RAD51AP1: variants seen among roughly 807,000 people sequenced by gnomAD.
The protein encoded by RAD51AP1 is RAD51 associated protein 1, also known as RAD51-associated protein 1.
RAD51AP1 carries 14 observed loss-of-function variants against 34.3 expected under a neutral mutation model. The ratio of observed to expected loss-of-function variants is 0.41; its 90% CI spans 0.27 to 0.64. The LOEUF (loss-of-function observed/expected upper bound fraction) is 0.64. RAD51AP1 is among the 30% of genes least tolerant of loss of function. The pLI is 0.33. For missense variants in RAD51AP1, 348 were observed against 386.9 expected (o/e 0.90, Z 0.84); for synonymous variants, 114 against 129.8 (o/e 0.88, Z 0.83).
chr12:4,556,415 G>T lies in RAD51AP1; in HGVS notation c.784G>T (p.Val262Phe), dbSNP rs375762547. 13 of 1,613,670 alleles carry T rather than the reference G, an allele frequency of 8.1e-6. No homozygotes were observed. The African/African-American group carries it at 1.6e-4, about 20-fold the overall frequency. Reference protein sequence around the residue: ...KSESQSLPKKVSLSSDTTRKP... With the variant: ...KSESQSLPKKFSLSSDTTRKP... ...AGAATCTCAGTCCTTGCCAAAAAAG[G>T]TTTCTCTGTCTTCAGATACCACTAG... Residue 262 changes from valine (V) to phenylalanine (F), a missense_variant, in exon 8 of 9, where the codon GTT (valine) becomes TTT (phenylalanine). Physicochemically the swap from Val to Phe is conservative, Grantham distance 50. Transcript: ENST00000352618.
chr12:4,555,386 C>T (rs1235869403), intron 7 of RAD51AP1, among the ~76,000 whole-genome samples: 1 of 152,118 alleles, frequency 6.6e-6, no homozygotes, highest in Non-Finnish European at 1.5e-5. Context: ...TAGCAGGCCC[C>T]CATTTCCTCT....
At chr12:4,539,387 G>C (rs1409961250) in intron 1 of RAD51AP1, among the ~76,000 whole-genome samples, 1 of 152,174 alleles carries the variant, frequency 6.6e-6, no homozygotes, top group African/African-American at 2.4e-5. Context: ...TCAAACCTAA[G>C]TCATCTCACT....
chr12:4,543,329 G>C (rs1379834974), intron 2 of RAD51AP1, among the ~76,000 whole-genome samples: 1 of 152,180 alleles, frequency 6.6e-6, no homozygotes, highest in African/African-American at 2.4e-5. Flanking sequence ...CCAAAGTGCT[G>C]GGATTACAAG....
Position 4,559,683 on chromosome 12 carries a change from A to AAAAT in RAD51AP1, c.*691_*694dup, listed in dbSNP as rs1224179726. Reference sequence around the variant, plus strand: ...TTCCTGATTGTCCACATTTCATGATAAAATGAGAGCTCCGCAGAGAATGTT... The same window carrying AAAAT: ...TTCCTGATTGTCCACATTTCATGATAAAATAAATGAGAGCTCCGCAGAGAATGTT... On this transcript the variant is annotated 3_prime_UTR_variant, in exon 9 of 9. Coordinates refer to ENST00000352618, the MANE Select transcript of RAD51AP1 (RefSeq NM_006479.5). The AAAAT allele has an allele frequency of 1.3e-5, 2 of 152,234 alleles. No individual in the cohort carries two copies. The highest frequency in any genetic ancestry group is 4.8e-5 in the African/African-American group (2 of 41,468). 9.4% of individuals were successfully genotyped at this position (152,234 alleles called of 1,614,324 possible).
chr12:4,552,499 G>A (rs950997517), intron 6 of RAD51AP1, among the ~76,000 whole-genome samples: 15 of 152,176 alleles, frequency 9.9e-5, no homozygotes, highest in Non-Finnish European at 1.8e-4. Flanking sequence ...TGAAGTTTAT[G>A]TGATTAAGGG....
At chr12:4,556,556 T>C (rs1944584699) in intron 8 of RAD51AP1, 54 bp downstream of exon 8, 2 of 1,577,960 alleles carry the variant, frequency 1.3e-6, no homozygotes, top group African/African-American at 2.7e-5. Context: ...CACTGGTAAA[T>C]TTTTTTCCTA....
chr12:4,553,772 A>G (rs1296103061), intron 7 of RAD51AP1, among the ~76,000 whole-genome samples: 1 of 152,136 alleles, frequency 6.6e-6, no homozygotes, highest in Non-Finnish European at 1.5e-5. Context: ...TTTTGAGTTC[A>G]TAGTATATGA....
chr12:4,539,104 C>T (rs1035037512), intron 1 of RAD51AP1, 148 bp downstream of exon 1: 2 of 821,828 alleles, frequency 2.4e-6, no homozygotes, highest in African/African-American at 3.4e-5. Flanking sequence ...CAGTGAGAGC[C>T]ACCCGTTGCT....
chr12:4,555,856 C>A (rs1460739098), intron 7 of RAD51AP1, among the ~76,000 whole-genome samples: 1 of 152,200 alleles, frequency 6.6e-6, no homozygotes, highest in East Asian at 1.9e-4. Context: ...TTTTACACAT[C>A]TTTACTTTCC....
chr12:4,539,088 A>G (rs201235939), intron 1 of RAD51AP1, 132 bp downstream of exon 1: 10 of 978,396 alleles, frequency 1.0e-5, no homozygotes, highest in African/African-American at 8.1e-5. Context: ...TCAAGAACCC[A>G]GTCTCCAGTG....
rs1944524891 is a variant in RAD51AP1, at chr12:4,548,743, G to A, written c.463G>A (p.Ala155Thr). The change falls in exon 6 of 9, where the codon GCA (alanine) becomes ACA (threonine). Residue 155 changes from alanine to threonine, a missense_variant. By Grantham distance (58) the Ala-to-Thr change is moderately conservative. Coordinates refer to ENST00000352618, the MANE Select transcript of RAD51AP1 (RefSeq NM_006479.5). ...DVGGVQGKRK[A>T]ASKAAAQQRK... ...TGGTGGTGTTCAAGGGAAAAGAAAA[G>A]CAGCATCTAAAGCTGCAGCACAGCA... is the stretch of plus-strand genomic sequence containing the variant. The A allele has an allele frequency of 6.2e-7, 1 of 1,614,054 alleles. No individual in the cohort carries two copies. Among genetic ancestry groups the A allele is most frequent in the Admixed American group, 1.7e-5 (1 of 60,012 alleles).
In RAD51AP1 at chr12:4,559,597, C is replaced by A. The variant is rs1256508322; in HGVS notation, c.*604C>A. Reference sequence around the variant, plus strand: ...TTTTATGAAATCTTCATTGTCAAAACCTTTAATAAAAGTGGAAATATTTTG... The same window carrying A: ...TTTTATGAAATCTTCATTGTCAAAAACTTTAATAAAAGTGGAAATATTTTG... On this transcript the variant is annotated 3_prime_UTR_variant, in exon 9 of 9. Coordinates refer to ENST00000352618, the MANE Select transcript of RAD51AP1 (RefSeq NM_006479.5). 6.6e-6 allele frequency: 1 copy of A among 152,136 alleles called. No individual in the cohort carries two copies. The highest frequency in any genetic ancestry group is 1.9e-4 in the East Asian group (1 of 5,202). 9.4% of individuals were successfully genotyped at this position (152,136 alleles called of 1,614,324 possible). A position where few individuals can be genotyped will look rare whatever the true frequency, so the allele number is the denominator to read the frequency against.
At chr12:4,548,322 T>G in intron 5 of RAD51AP1, 144 bp downstream of exon 5, 1 of 1,217,954 alleles carries the variant, frequency 8.2e-7, no homozygotes, top group Non-Finnish European at 1.1e-6. Flanking sequence ...TCTTTGTGTT[T>G]TAGTCTCATT....
chr12:4,543,394 A>G (rs1013765915), intron 2 of RAD51AP1, among the ~76,000 whole-genome samples: 3 of 152,184 alleles, frequency 2.0e-5, no homozygotes, highest in African/African-American at 7.2e-5. Flanking sequence ...ATATTTGGCT[A>G]CATTGTGAAG....
chr12:4,545,720 C>T, intron 3 of RAD51AP1: 10 of 1,582,588 alleles, frequency 6.3e-6, no homozygotes, highest in Non-Finnish European at 7.8e-6. Flanking sequence ...ACTTTATAGT[C>T]TGCCTTTTAT....
rs746676981 is a variant in RAD51AP1, at chr12:4,548,189, T to C, written c.406+11T>C. The C allele has an allele frequency of 1.9e-6, 3 of 1,585,556 alleles. No individual in the cohort carries two copies. Among genetic ancestry groups the C allele is most frequent in the South Asian group, 2.4e-5 (2 of 84,000 alleles). ...CCAGTGATTATTTAGGTAAGTTTTTTATATTAATAATTTTTCTCATCAACA... is the reference window on the plus strand; with the variant it reads ...CCAGTGATTATTTAGGTAAGTTTTTCATATTAATAATTTTTCTCATCAACA... On this transcript the variant is annotated intron_variant, in intron 5 of 8. Coordinates refer to ENST00000352618, the MANE Select transcript of RAD51AP1 (RefSeq NM_006479.5).
At chr12:4,539,358 G>GT (rs1406276029) in intron 1 of RAD51AP1, among the ~76,000 whole-genome samples, 2 of 152,176 alleles carry the variant, frequency 1.3e-5, no homozygotes, top group Non-Finnish European at 2.9e-5. Flanking sequence ...ATACAGCCCA[G>GT]TAAGTGGCAG....
At chr12:4,541,853 T>C in intron 1 of RAD51AP1, 31 bp from the exon 2 acceptor site, 2 of 1,299,770 alleles carry the variant, frequency 1.5e-6, no homozygotes, top group Non-Finnish European at 2.1e-6. Flanking sequence ...TTGACATTTG[T>C]GTTAATGAAA....
At chr12:4,545,312 G>T (rs776393471) in intron 3 of RAD51AP1, 1 of 404,058 alleles carries the variant, frequency 2.5e-6, no homozygotes, top group Non-Finnish European at 4.9e-6. Flanking sequence ...CAGATATACA[G>T]GTCACATATT....
Sources: allele counts gnomAD v4.1 joint callset (sites outside exome capture counted in the v4.1 genomes callset), GRCh38; gene constraint gnomAD v4.1.1; transcripts MANE v1.5; gene names NCBI Gene and HGNC (gene_info 2026-07-23, HGNC 2026-07-21).